Variants in MYO9B observed in about 807,000 individuals in gnomAD.
The protein encoded by MYO9B is myosin IXB, also known as unconventional myosin-IXb.
In MYO9B, 71 loss-of-function variants were observed where a neutral mutation model predicts 229.5. The ratio of observed to expected loss-of-function variants is 0.31; its 90% CI spans 0.26 to 0.38. The LOEUF is 0.38. Among genes scored for constraint, MYO9B ranks in the 10% least tolerant of loss-of-function variants. MYO9B has a pLI of 1.00. For missense variants in MYO9B, 2,255 were observed against 2,920.5 expected, an observed-to-expected ratio of 0.77 and a Z score of 5.25; for synonymous variants, 1,185 against 1,235.8, an observed-to-expected ratio of 0.96 and a Z score of 0.86.
chr19:17,194,736 G>A lies in MYO9B; in HGVS notation c.3309G>A (p.Val1103=). ...GGCACCTGGCATCGGAGCCTGAGGT[G>A]CAGCCAAGTGACAGGTCCCCCCTAG... ...DGGHLASEPE[V]QPSDRSPLEH... Residue 1103 remains valine, a synonymous_variant, in exon 22 of 40, where the codon GTG becomes GTA. Transcript: ENST00000682292. 1 of 1,613,068 alleles carries A rather than the reference G, an allele frequency of 6.2e-7. No homozygotes were observed. Among genetic ancestry groups the A allele is most frequent in the Non-Finnish European group, 8.5e-7 (1 of 1,179,876 alleles).
chr19:17,129,685 C>T (rs978446980), intron 2 of MYO9B, among the ~76,000 whole-genome samples: 1 of 152,182 alleles, frequency 6.6e-6, no homozygotes, highest in African/African-American at 2.4e-5. Flanking sequence ...TAAAGGAATG[C>T]GAGTTGAAGA....
At chr19:17,084,638 C>T in intron 1 of MYO9B, among the ~76,000 whole-genome samples, 1 of 147,620 alleles carries the variant, frequency 6.8e-6, no homozygotes, top group African/African-American at 2.5e-5. Context: ...CTGAGGCAGG[C>T]AGATCACTTG....
chr19:17,100,498 G>T (rs540678691), intron 1 of MYO9B, among the ~76,000 whole-genome samples: 1 of 152,090 alleles, frequency 6.6e-6, no homozygotes, highest in South Asian at 2.1e-4. Flanking sequence ...AAAAAGAAAA[G>T]AAATTGGTAT....
At chr19:17,158,629 C>G (rs183329104) in intron 7 of MYO9B, among the ~76,000 whole-genome samples, 118 of 151,984 alleles carry the variant, frequency 7.8e-4, no homozygotes, top group Admixed American at 2.3e-3. Flanking sequence ...CCGCTTATTC[C>G]CCACTCTTGC....
chr19:17,201,779 G>T, intron 26 of MYO9B, 147 bp from the exon 27 acceptor site: 1 of 636,532 alleles, frequency 1.6e-6, no homozygotes, highest in South Asian at 1.9e-5. Flanking sequence ...CAAGATGAGA[G>T]ACCAGGCTTG....
intron 30 of MYO9B, among the ~76,000 whole-genome samples, chr19:17,203,612 CAAAAA>C (rs5827362): frequency 8.4e-6 from 1 of 119,492 alleles, no homozygotes; most frequent in Non-Finnish European, 1.8e-5. Flanking sequence ...GACTCTGTCT[CAAAAA>C]AAAAAAAAAA....
At chr19:17,106,611 C>T (rs1457296821) in intron 2 of MYO9B, among the ~76,000 whole-genome samples, 1 of 152,244 alleles carries the variant, frequency 6.6e-6, no homozygotes, top group Non-Finnish European at 1.5e-5. Flanking sequence ...CTGGCATCCA[C>T]ACCCGAGATA....
Position 17,202,202 on chromosome 19 carries a change from GAGCGTGGCCA to G in MYO9B, c.4736_4745del (p.Glu1579GlyfsTer15). ...GATCGTCGTCAGCAACCTGGCCACT[GAGCGTGGCCA>G]GAAGGACACCAACCTGGTCCTCAAC... On this transcript the variant is annotated frameshift_variant, in exon 28 of 40. Coordinates refer to ENST00000682292, the MANE Select transcript of MYO9B (RefSeq NM_004145.4). LOFTEE classifies it high-confidence loss of function. 6.2e-7 allele frequency: 1 copy of G among 1,613,054 alleles called. No homozygotes were observed. The highest frequency in any genetic ancestry group is 8.5e-7 in the Non-Finnish European group (1 of 1,179,398).
intron 2 of MYO9B, among the ~76,000 whole-genome samples, chr19:17,138,172 T>C (rs765444745): frequency 1.2e-4 from 19 of 152,098 alleles, no homozygotes; most frequent in Non-Finnish European, 1.6e-4. Flanking sequence ...GATCTTGTGA[T>C]AGTTTGGTGA....
chr19:17,180,893 T>C, intron 14 of MYO9B, 34 bp from the exon 15 acceptor site: 1 of 1,451,300 alleles, frequency 6.9e-7, no homozygotes, highest in South Asian at 1.2e-5. Context: ...CCATCTTCTT[T>C]CTGTCACTGC....
At chr19:17,173,850 G>A (rs553285583) in intron 13 of MYO9B, among the ~76,000 whole-genome samples, 4 of 152,078 alleles carry the variant, frequency 2.6e-5, no homozygotes, top group East Asian at 3.9e-4. Context: ...CCAACCTTCC[G>A]TCCTCAGCTT....
At chr19:17,090,054 T>G (rs534536936) in intron 1 of MYO9B, among the ~76,000 whole-genome samples, 3 of 151,722 alleles carry the variant, frequency 2.0e-5, no homozygotes, top group Non-Finnish European at 4.4e-5. Context: ...GTGTCTGACT[T>G]CTCTCACTCA....
chr19:17,199,505 T>C lies in MYO9B; in HGVS notation c.4239-788T>C, dbSNP rs529995490. Among the ~76,000 whole-genome samples, 9 of 151,374 alleles carry C rather than the reference T, an allele frequency of 5.9e-5. No homozygotes were observed. The South Asian group carries it at 1.9e-3, about 31-fold the overall frequency. On this transcript the variant is annotated intron_variant, in intron 24 of 39. Transcript: ENST00000682292. ...TTTATAAGATAATCCTGTGTTGTTT[T>C]TTTGTTTGTTTTTTTTTTGAGACAG...
chr19:17,164,780 T>A (rs2072641330), intron 10 of MYO9B, among the ~76,000 whole-genome samples: 1 of 152,240 alleles, frequency 6.6e-6, no homozygotes, highest in South Asian at 2.1e-4. Flanking sequence ...GACAGGCTTA[T>A]GTAAATATCC....
intron 1 of MYO9B, among the ~76,000 whole-genome samples, chr19:17,099,815 TAAAAAA>T (rs34945453): frequency 8.6e-6 from 1 of 116,292 alleles, no homozygotes; most frequent in Non-Finnish European, 1.7e-5. Context: ...GAGACTGTCT[TAAAAAA>T]AAAAAAAAAA....
chr19:17,144,310 TTAAA>T (rs981216541), intron 2 of MYO9B, among the ~76,000 whole-genome samples: 1 of 152,116 alleles, frequency 6.6e-6, no homozygotes, highest in South Asian at 2.1e-4. Context: ...AAAATATTAA[TTAAA>T]TAAACCGAGT....
chr19:17,175,089 A>G (rs1200710354), intron 13 of MYO9B, among the ~76,000 whole-genome samples: 1 of 151,986 alleles, frequency 6.6e-6, no homozygotes, highest in Non-Finnish European at 1.5e-5. Flanking sequence ...CCTGGGCCAC[A>G]TAGTGAGACC....
intron 19 of MYO9B, among the ~76,000 whole-genome samples, chr19:17,190,864 C>T (rs1188779257): frequency 1.3e-5 from 2 of 151,990 alleles, no homozygotes; most frequent in Admixed American, 6.6e-5. Flanking sequence ...AAGCTGGTCT[C>T]GAACTCCTGA....
intron 8 of MYO9B, 69 bp downstream of exon 8, chr19:17,159,553 A>G (rs963616101): frequency 2.1e-5 from 29 of 1,359,066 alleles, no homozygotes; most frequent in Non-Finnish European, 2.8e-5. Context: ...CTTTGGAAAG[A>G]GCCGGCATGG....
Sources: allele counts gnomAD v4.1 joint callset (sites outside exome capture counted in the v4.1 genomes callset), GRCh38; gene constraint gnomAD v4.1.1; transcripts MANE v1.5; gene names NCBI Gene and HGNC (gene_info 2026-07-23, HGNC 2026-07-21).